Variants in ROBO2 observed in about 807,000 individuals in gnomAD.
The protein encoded by ROBO2 is roundabout guidance receptor 2, also known as roundabout homolog 2.
A neutral mutation model predicts 160.8 loss-of-function variants in ROBO2; 53 were observed. The observed-to-expected ratio is 0.33, with a 90% CI of 0.26 to 0.41. The LOEUF is 0.41. Ranked by LOEUF, ROBO2 falls within the 10% of genes least tolerant of loss-of-function variation. ROBO2 has a pLI of 1.00. For missense variants in ROBO2, 1,577 were observed against 1,722.4 expected (o/e 0.92, Z 1.49); for synonymous variants, 664 against 611.7 (o/e 1.09, Z -1.26).
chr3:76,365,350 T>C (rs2075754297), intron 2 of ROBO2, among the ~76,000 whole-genome samples: 1 of 152,106 alleles, frequency 6.6e-6, no homozygotes, highest in Non-Finnish European at 1.5e-5. Context: ...AAAATACTTG[T>C]CCTCTTTCCT....
At chr3:77,028,534 G>T (rs1439976447) in intron 2 of ROBO2, among the ~76,000 whole-genome samples, 1 of 151,932 alleles carries the variant, frequency 6.6e-6, no homozygotes, top group Non-Finnish European at 1.5e-5. Context: ...TGACCAACAT[G>T]GTGAAACCCT....
rs2875339 is a variant in ROBO2 at position 75,944,112 on chromosome 3, G to T, written c.109+6510G>T. 4.5e-3 allele frequency among the ~76,000 whole-genome samples: 681 copies of T among 151,872 alleles called. 1 individual carries two copies. The highest frequency in any genetic ancestry group is 7.8e-3 in the Non-Finnish European group (531 of 67,922). On this transcript the variant is annotated intron_variant, in intron 2 of 26. Coordinates refer to the ROBO2 transcript ENST00000487694. ...CTTTCCTGCCAGAAAAGTAGGAATA[G>T]AATGGCAGAAGGAAAGAGGTTCCTT...
chr3:77,090,655 A>G lies in ROBO2; in HGVS notation c.62-7359A>G, dbSNP rs141817494. ...AGGTGTGAGTCACAGCGCCCGGCCTAAACCACTCTTTATAGCATTGATGTC... is the reference window on the plus strand; with the variant it reads ...AGGTGTGAGTCACAGCGCCCGGCCTGAACCACTCTTTATAGCATTGATGTC... On this transcript the variant is annotated intron_variant, in intron 1 of 25. Coordinates refer to ENST00000461745, the Ensembl canonical transcript of ROBO2. Among the ~76,000 whole-genome samples, 1,090 of 152,006 alleles carry G rather than the reference A, an allele frequency of 7.2e-3. 4 individuals are homozygous for G. The highest frequency in any genetic ancestry group is 0.013 in the Non-Finnish European group (873 of 67,938).
chr3:76,283,702 T>TA (rs981262995), intron 2 of ROBO2, among the ~76,000 whole-genome samples: 9 of 152,160 alleles, frequency 5.9e-5, no homozygotes, highest in African/African-American at 2.2e-4. Context: ...CAAGAAATGC[T>TA]AAAATGAAGA....
At chr3:76,691,428 T>C (rs2092799400) in intron 2 of ROBO2, among the ~76,000 whole-genome samples, 1 of 151,676 alleles carries the variant, frequency 6.6e-6, no homozygotes, top group African/African-American at 2.4e-5. Flanking sequence ...GATGAAATAA[T>C]TAATAATGAA....
intron 2 of ROBO2, among the ~76,000 whole-genome samples, chr3:77,386,249 G>A (rs76878112): frequency 0.041 from 6,276 of 152,168 alleles, 451 homozygotes; most frequent in African/African-American, 0.14. Context: ...TAGATGTCCT[G>A]ACTAGATCTG....
chr3:77,328,572 T>A (rs2065671531), intron 2 of ROBO2, among the ~76,000 whole-genome samples: 1 of 152,186 alleles, frequency 6.6e-6, no homozygotes, highest in South Asian at 2.1e-4. Context: ...TGATCTGCTG[T>A]TTAACTTATA....
intron 2 of ROBO2, among the ~76,000 whole-genome samples, chr3:76,895,451 A>G (rs2074693490): frequency 6.6e-6 from 1 of 152,056 alleles, no homozygotes; most frequent in African/African-American, 2.4e-5. Context: ...ATTAAATTAT[A>G]TATTCATTCA....
intron 6 of ROBO2, among the ~76,000 whole-genome samples, chr3:77,544,084 G>A (rs771062464): frequency 1.4e-5 from 2 of 146,994 alleles, no homozygotes; most frequent in South Asian, 2.2e-4. Context: ...CTACAAGATT[G>A]CAGATGACGG....
At chr3:77,509,959 G>A (rs762019532) in intron 5 of ROBO2, among the ~76,000 whole-genome samples, 1 of 151,996 alleles carries the variant, frequency 6.6e-6, no homozygotes, top group Non-Finnish European at 1.5e-5. Flanking sequence ...GGGAGAGAGA[G>A]GTGGGAGGTA....
At chr3:76,678,021 C>T (rs1356797686) in intron 2 of ROBO2, among the ~76,000 whole-genome samples, 1 of 110,190 alleles carries the variant, frequency 9.1e-6, no homozygotes, top group Admixed American at 1.3e-4. Flanking sequence ...CTCAGGCTGG[C>T]GTGCAGTGGC....
At chr3:76,409,389 G>A (rs1001653146) in intron 2 of ROBO2, among the ~76,000 whole-genome samples, 1 of 151,972 alleles carries the variant, frequency 6.6e-6, no homozygotes, top group Non-Finnish European at 1.5e-5. Flanking sequence ...TTTCCTAAAA[G>A]TAGCCTACTC....
At chr3:77,225,993 A>G (rs2086453337) in intron 2 of ROBO2, among the ~76,000 whole-genome samples, 2 of 152,032 alleles carry the variant, frequency 1.3e-5, no homozygotes, top group Non-Finnish European at 2.9e-5. Flanking sequence ...ATGTAAGCAT[A>G]TGATATTACA....
chr3:77,610,371 G>GAC (rs2094604392), intron 21 of ROBO2, among the ~76,000 whole-genome samples: 1 of 151,868 alleles, frequency 6.6e-6, no homozygotes, highest in Non-Finnish European at 1.5e-5. Flanking sequence ...TCCTGTTCCT[G>GAC]ACACACACAC....
At chr3:75,997,241 T>C (rs1057095113) in intron 2 of ROBO2, among the ~76,000 whole-genome samples, 1 of 152,200 alleles carries the variant, frequency 6.6e-6, no homozygotes, top group Non-Finnish European at 1.5e-5. Context: ...TATATCCTCA[T>C]TAAATGTTGG....
intron 2 of ROBO2, among the ~76,000 whole-genome samples, chr3:77,237,776 G>C (rs1284269835): frequency 1.3e-5 from 2 of 152,040 alleles, no homozygotes; most frequent in South Asian, 2.1e-4. Context: ...TTTCTACATT[G>C]CATCATAAAA....
chr3:77,042,553 A>G (rs1244591952), intron 1 of ROBO2, among the ~76,000 whole-genome samples: 2 of 152,224 alleles, frequency 1.3e-5, no homozygotes, highest in Non-Finnish European at 2.9e-5. Context: ...TGGAAGTGAC[A>G]GGAAATCAGA....
intron 2 of ROBO2, among the ~76,000 whole-genome samples, chr3:76,872,011 T>C (rs2072151723): frequency 6.6e-6 from 1 of 152,122 alleles, no homozygotes; most frequent in African/African-American, 2.4e-5. Flanking sequence ...ACTTGGAAAA[T>C]TATAACACCT....
At chr3:77,095,021 T>C (rs953448345) in intron 1 of ROBO2, among the ~76,000 whole-genome samples, 10 of 152,176 alleles carry the variant, frequency 6.6e-5, no homozygotes, top group African/African-American at 2.2e-4. Flanking sequence ...AAAAATTTTA[T>C]AACATCCAGT....
Sources: allele counts gnomAD v4.1 joint callset (sites outside exome capture counted in the v4.1 genomes callset), GRCh38; gene constraint gnomAD v4.1.1; transcripts MANE v1.5; gene names NCBI Gene and HGNC (gene_info 2026-07-23, HGNC 2026-07-21).